The following SIK2 variants were observed in gnomAD, a reference collection of about 807,000 sequenced individuals.
The protein encoded by SIK2 is salt inducible kinase 2.
A neutral mutation model predicts 103.2 loss-of-function variants in SIK2; 29 were observed. The ratio of observed to expected loss-of-function variants is 0.28; its 90% CI spans 0.21 to 0.38. The LOEUF (loss-of-function observed/expected upper bound fraction) is 0.38. Ranked by LOEUF, SIK2 falls within the 10% of genes least tolerant of loss-of-function variation. The pLI is 1.00. For missense variants in SIK2, 879 were observed against 1,171.0 expected, an observed-to-expected ratio of 0.75 and a Z score of 3.64; for synonymous variants, 412 against 446.1, an observed-to-expected ratio of 0.92 and a Z score of 0.96.
chr11:111,674,092 GA>G (rs1394528828), intron 3 of SIK2, among the ~76,000 whole-genome samples: 13 of 143,582 alleles, frequency 9.1e-5, no homozygotes, highest in Non-Finnish European at 1.2e-4. Flanking sequence ...AAGAAAAAAA[GA>G]AAAAAAAAAG....
At chr11:111,640,103 A>G (rs891495364) in intron 3 of SIK2, among the ~76,000 whole-genome samples, 1 of 152,146 alleles carries the variant, frequency 6.6e-6, no homozygotes. Flanking sequence ...TCCTGTTCCA[A>G]TACTTCACCA....
In SIK2 at chr11:111,701,750, G is replaced by A. The variant is rs991648398; in HGVS notation, c.727+175G>A. On this transcript the variant is annotated intron_variant, in intron 6 of 14. Transcript: ENST00000304987. The surrounding 1 kb of genome is among the most constrained non-coding windows in gnomAD (Gnocchi z 4.2). The stretch of plus-strand genomic sequence containing the variant: ...CTTTATGTAGGCGAGACAGGTTCCA[G>A]CCTTCTACTTGTAACTAAACACACA... Among the ~76,000 whole-genome samples, 1 of 152,144 alleles carries A rather than the reference G, an allele frequency of 6.6e-6. No homozygotes were observed. Among genetic ancestry groups the A allele is most frequent in the Non-Finnish European group, 1.5e-5 (1 of 68,026 alleles).
rs1944164022 is a variant in SIK2, at chr11:111,730,736, T to TAATA, written c.*6613_*6616dup. The TAATA allele has an allele frequency of 6.6e-6, 1 of 152,192 alleles. No homozygotes were observed. The highest frequency in any genetic ancestry group is 2.4e-5 in the African/African-American group (1 of 41,442). 9.4% of individuals were successfully genotyped at this position (152,192 alleles called of 1,614,324 possible). A position where few individuals can be genotyped will look rare whatever the true frequency, so the allele number is the denominator to read the frequency against. ...TTAGAAAATTGCCTAAAATGCAGTG[T>TAATA]AATAAATAATCTCTGTACCAAATAG... On this transcript the variant is annotated 3_prime_UTR_variant, in exon 15 of 15. Transcript: ENST00000304987.
At chr11:111,643,087 G>A (rs1942206243) in intron 3 of SIK2, among the ~76,000 whole-genome samples, 1 of 151,966 alleles carries the variant, frequency 6.6e-6, no homozygotes. Flanking sequence ...TTTGTCTATT[G>A]TAAAGTACTA....
Position 111,721,080 on chromosome 11 carries a change from T to C in SIK2, c.1944+18T>C, listed in dbSNP as rs758947821. On this transcript the variant is annotated intron_variant, in intron 12 of 14. Coordinates refer to ENST00000304987, the MANE Select transcript of SIK2 (RefSeq NM_015191.3). ...GCCCTCAGGTGGGTACCTTGGGCCC[T>C]TCCCTCAATGGCTCTGTGAGGATGA... is the stretch of plus-strand genomic sequence containing the variant. 3.1e-6 allele frequency: 5 copies of C among 1,602,258 alleles called. No homozygotes were observed. In the East Asian group the frequency reaches 1.1e-4, roughly 36 times the overall value.
At chr11:111,658,579 C>T (rs1942425725) in intron 3 of SIK2, among the ~76,000 whole-genome samples, 2 of 152,002 alleles carry the variant, frequency 1.3e-5, no homozygotes, top group South Asian at 4.1e-4. Flanking sequence ...TCCATCTCTA[C>T]AAAAAACACA....
chr11:111,605,321 A>G (rs1228515758), intron 1 of SIK2, among the ~76,000 whole-genome samples: 1 of 152,176 alleles, frequency 6.6e-6, no homozygotes, highest in Non-Finnish European at 1.5e-5. Flanking sequence ...GATGTTTTTT[A>G]CAGCAGTTAT....
intron 8 of SIK2, among the ~76,000 whole-genome samples, chr11:111,711,868 T>C (rs1411818595): frequency 6.6e-6 from 1 of 152,228 alleles, no homozygotes; most frequent in Non-Finnish European, 1.5e-5. Context: ...GTCTGGGTAT[T>C]ATATTTAAAG....
chr11:111,719,674 C>G lies in SIK2; in HGVS notation c.1267-101C>G, dbSNP rs1943745111. 3 of 1,169,420 alleles carry G rather than the reference C, an allele frequency of 2.6e-6. No homozygotes were observed. The East Asian group carries it at 7.7e-5, about 30-fold the overall frequency. 72.4% of individuals were successfully genotyped at this position (1,169,420 alleles called of 1,614,324 possible). A position where few individuals can be genotyped will look rare whatever the true frequency, so the allele number is the denominator to read the frequency against. Reference sequence around the variant, plus strand: ...AATATGTGCATGTTTAAATATTTTACTTAATTTCTAGTTCGCCACAAGTCT... The same window carrying G: ...AATATGTGCATGTTTAAATATTTTAGTTAATTTCTAGTTCGCCACAAGTCT... On this transcript the variant is annotated intron_variant, in intron 9 of 14. Transcript: ENST00000304987.
Position 111,705,035 on chromosome 11 carries a change from T to C in SIK2, c.997T>C (p.Leu333=), listed in dbSNP as rs1436877264. 1.2e-6 allele frequency: 2 copies of C among 1,609,664 alleles called. No individual in the cohort carries two copies. The highest frequency in any genetic ancestry group is 2.7e-5 in the African/African-American group (2 of 74,568). The change falls in exon 8 of 15, where the codon TTG becomes CTG. Residue 333 remains leucine (L), a synonymous_variant. Coordinates refer to ENST00000304987, the MANE Select transcript of SIK2 (RefSeq NM_015191.3). The surrounding 1 kb of genome is among the most constrained non-coding windows in gnomAD (Gnocchi z 4.3). ...CCACTTTGCTGCCATTTATTTCTTG[T>C]TGGTGGAGCGCCTGAAATCACATCG... is the stretch of plus-strand genomic sequence containing the variant. ...YNHFAAIYFL[L]VERLKSHRSS...
At chr11:111,679,834 G>GTT (rs920212745) in intron 3 of SIK2, among the ~76,000 whole-genome samples, 1 of 151,730 alleles carries the variant, frequency 6.6e-6, no homozygotes, top group African/African-American at 2.4e-5. Flanking sequence ...AATAAAAAGG[G>GTT]TTTTTTTTGG....
chr11:111,710,541 A>G (rs1943467281), intron 8 of SIK2, among the ~76,000 whole-genome samples: 1 of 152,238 alleles, frequency 6.6e-6, no homozygotes, highest in Non-Finnish European at 1.5e-5. Flanking sequence ...CAAGATTCTA[A>G]CTAGGAACCG....
intron 1 of SIK2, among the ~76,000 whole-genome samples, chr11:111,612,155 A>T (rs1213370073): frequency 6.6e-6 from 1 of 152,194 alleles, no homozygotes; most frequent in Non-Finnish European, 1.5e-5. Context: ...TTAAAGTTGG[A>T]GTTAGAAGGC....
chr11:111,604,847 A>G (rs1458236095), intron 1 of SIK2, among the ~76,000 whole-genome samples: 2 of 152,164 alleles, frequency 1.3e-5, no homozygotes, highest in Non-Finnish European at 2.9e-5. Context: ...ATCTGTGGTA[A>G]TTTGGTGGGT....
Position 111,701,717 on chromosome 11 carries a change from G to A in SIK2, c.727+142G>A. ...TGTAGGTTAAAAGCTATAGAAAGAA[G>A]CAACCTCCTTTATGTAGGCGAGACA... On this transcript the variant is annotated intron_variant, in intron 6 of 14. Transcript: ENST00000304987. The surrounding 1 kb of genome is among the most constrained non-coding windows in gnomAD (Gnocchi z 4.2). 2 of 1,012,142 alleles carry A rather than the reference G, an allele frequency of 2.0e-6. No individual in the cohort carries two copies. The highest frequency in any genetic ancestry group is 2.8e-6 in the Non-Finnish European group (2 of 719,130). The allele number at this position is 1,012,142 out of a possible 1,614,324, so 62.7% of individuals were successfully genotyped here.
At chr11:111,652,281 G>A (rs1294626171) in intron 3 of SIK2, among the ~76,000 whole-genome samples, 1 of 152,112 alleles carries the variant, frequency 6.6e-6, no homozygotes, top group East Asian at 1.9e-4. Context: ...AAAAAGTTAT[G>A]ACCAAAATGA....
chr11:111,671,211 C>A, intron 3 of SIK2: 1 of 263,928 alleles, frequency 3.8e-6, no homozygotes, highest in South Asian at 4.7e-5. Flanking sequence ...GCCAGCTTTC[C>A]TTGCCCTGCA....
intron 3 of SIK2, among the ~76,000 whole-genome samples, chr11:111,660,411 A>G (rs893518527): frequency 1.3e-5 from 2 of 152,248 alleles, no homozygotes; most frequent in African/African-American, 4.8e-5. Flanking sequence ...GTTTACTGCA[A>G]CTATCTTTGG....
chr11:111,686,513 G>A (rs1239585820), intron 3 of SIK2, among the ~76,000 whole-genome samples: 1 of 152,202 alleles, frequency 6.6e-6, no homozygotes, highest in Non-Finnish European at 1.5e-5. Flanking sequence ...TTAAAAACCA[G>A]TAAGCTAGTA....
Sources: allele counts gnomAD v4.1 joint callset (sites outside exome capture counted in the v4.1 genomes callset), GRCh38; gene constraint gnomAD v4.1.1; non-coding constraint Gnocchi (gnomAD v3.1); transcripts MANE v1.5; gene names NCBI Gene and HGNC (gene_info 2026-07-23, HGNC 2026-07-21).